The following ADAM32 variants were observed in gnomAD, a reference collection of about 807,000 sequenced individuals.
ADAM32 encodes the protein ADAM metallopeptidase domain 32.
In ADAM32, 89 loss-of-function variants were observed where a neutral mutation model predicts 114.9. That is an observed-to-expected ratio of 0.77 (90% CI 0.65 to 0.92). The LOEUF is 0.92. ADAM32 is among the 40% of genes least tolerant of loss of function. The pLI is 0.00. For missense variants in ADAM32, 870 were observed against 932.8 expected, an observed-to-expected ratio of 0.93 and a Z score of 0.88; for synonymous variants, 285 against 307.5, an observed-to-expected ratio of 0.93 and a Z score of 0.77.
At chr8:39,189,971 C>CGA (rs1806501777) in intron 11 of ADAM32, among the ~76,000 whole-genome samples, 2 of 152,146 alleles carry the variant, frequency 1.3e-5, no homozygotes, top group Admixed American at 1.3e-4. Context: ...CCAGCCACCA[C>CGA]GCCTGGCTAA....
At chr8:39,218,626 C>A (rs773588326) in intron 12 of ADAM32, among the ~76,000 whole-genome samples, 3 of 152,140 alleles carry the variant, frequency 2.0e-5, no homozygotes, top group Non-Finnish European at 4.4e-5. Flanking sequence ...AGGCTAAGGA[C>A]CCTCACCCTA....
At chr8:39,280,218 C>T (rs566312134) in intron 22 of ADAM32, among the ~76,000 whole-genome samples, 24 of 152,318 alleles carry the variant, frequency 1.6e-4, no homozygotes, top group African/African-American at 4.1e-4. Flanking sequence ...ATGAAAACCA[C>T]ATCTTTTAGG....
At chr8:39,191,760 T>C (rs921312311) in intron 11 of ADAM32, among the ~76,000 whole-genome samples, 4 of 152,166 alleles carry the variant, frequency 2.6e-5, no homozygotes, top group African/African-American at 7.2e-5. Context: ...TTTAATCAGA[T>C]CTCATTTGTC....
chr8:39,281,933 G>A (rs567000178), intron 23 of ADAM32, among the ~76,000 whole-genome samples: 2 of 152,176 alleles, frequency 1.3e-5, no homozygotes, highest in South Asian at 4.1e-4. Flanking sequence ...AACATTATAT[G>A]GTTTGTATTT....
chr8:39,244,287 C>CA (rs1240733418), intron 16 of ADAM32, among the ~76,000 whole-genome samples: 1 of 151,838 alleles, frequency 6.6e-6, no homozygotes, highest in African/African-American at 2.4e-5. Context: ...CATATGGAAC[C>CA]AAAAAAGAGC....
chr8:39,118,177 T>C lies in ADAM32; in HGVS notation c.138+12T>C. 1 of 1,361,458 alleles carries C rather than the reference T, an allele frequency of 7.3e-7. No individual in the cohort carries two copies. Among genetic ancestry groups the C allele is most frequent in the East Asian group, 2.8e-5 (1 of 35,700 alleles). 84.3% of individuals were successfully genotyped at this position (1,361,458 alleles called of 1,614,324 possible). A position where few individuals can be genotyped will look rare whatever the true frequency, so the allele number is the denominator to read the frequency against. ...CAGAAATAGAATATGTAAGAGATATTTTTTCACAATCTAAATGTTTATATG... is the reference window on the plus strand; with the variant it reads ...CAGAAATAGAATATGTAAGAGATATCTTTTCACAATCTAAATGTTTATATG... On this transcript the variant is annotated intron_variant, in intron 2 of 24. Coordinates refer to ENST00000379907, the MANE Select transcript of ADAM32 (RefSeq NM_145004.7).
intron 11 of ADAM32, among the ~76,000 whole-genome samples, chr8:39,187,499 C>A (rs896846050): frequency 4.6e-5 from 7 of 152,096 alleles, no homozygotes; most frequent in African/African-American, 1.2e-4. Context: ...TCTCGATCTC[C>A]TGACCTCATG....
chr8:39,246,392 G>T, intron 17 of ADAM32, among the ~76,000 whole-genome samples: 1 of 152,066 alleles, frequency 6.6e-6, no homozygotes, highest in Non-Finnish European at 1.5e-5. Context: ...TGTTATAATT[G>T]GGTACTTTTC....
rs377360149 is a variant in ADAM32 at position 39,223,068 on chromosome 8, C to T, written c.1355C>T (p.Pro452Leu). ...QILQSGVECR[P>L]KAHPECDIAE... ...TTACAATCAGGCGTTGAATGTAGGC[C>T]GAAAGCACATCCTGAATGTGACATC... The change falls in exon 14 of 25, where the codon CCG becomes CTG. Residue 452 changes from proline (P) to leucine (L), a missense_variant. Pro to Leu is a moderately conservative substitution (Grantham distance 98). Transcript: ENST00000379907. 3.2e-5 allele frequency: 51 copies of T among 1,587,658 alleles called. No homozygotes were observed. The highest frequency in any genetic ancestry group is 6.8e-5 in the African/African-American group (5 of 73,810).
intron 2 of ADAM32, among the ~76,000 whole-genome samples, chr8:39,120,992 A>G (rs1840565327): frequency 6.6e-6 from 1 of 152,152 alleles, no homozygotes; most frequent in South Asian, 2.1e-4. Flanking sequence ...ATCACTGCTT[A>G]TAGAAAATGC....
At chr8:39,209,081 C>T (rs987406241) in intron 11 of ADAM32, among the ~76,000 whole-genome samples, 2 of 151,558 alleles carry the variant, frequency 1.3e-5, no homozygotes, top group Non-Finnish European at 2.9e-5. Context: ...ACTTTTCTAC[C>T]CCCTTTCTCT....
chr8:39,212,205 G>A (rs1488831955), intron 12 of ADAM32, among the ~76,000 whole-genome samples: 1 of 151,742 alleles, frequency 6.6e-6, no homozygotes, highest in Non-Finnish European at 1.5e-5. Context: ...TAGTAGAGAC[G>A]GTTTCATCAC....
chr8:39,188,753 A>C (rs944353188), intron 11 of ADAM32, among the ~76,000 whole-genome samples: 31 of 152,130 alleles, frequency 2.0e-4, no homozygotes, highest in African/African-American at 7.2e-4. Context: ...TAAACCTTTA[A>C]GTTCATGTGG....
rs367903298 is a variant in ADAM32, at chr8:39,164,734, C to T, written c.595-30C>T. ...TAAAAATACTACATAATAATTTGTACTTAAATATAAAATTAATTCTGTTTT... is the reference window on the plus strand; with the variant it reads ...TAAAAATACTACATAATAATTTGTATTTAAATATAAAATTAATTCTGTTTT... On this transcript the variant is annotated intron_variant, in intron 7 of 24. Coordinates refer to ENST00000379907, the MANE Select transcript of ADAM32 (RefSeq NM_145004.7). The T allele has an allele frequency of 3.6e-5, 54 of 1,483,088 alleles. No homozygotes were observed. In the African/African-American group the frequency reaches 6.8e-4, roughly 19 times the overall value. 91.9% of individuals were successfully genotyped at this position (1,483,088 alleles called of 1,614,324 possible).
At chr8:39,212,694 A>C (rs1808309631) in intron 12 of ADAM32, among the ~76,000 whole-genome samples, 1 of 152,176 alleles carries the variant, frequency 6.6e-6, no homozygotes, top group African/African-American at 2.4e-5. Context: ...GATATATCAC[A>C]ATCTGTTTTA....
At chr8:39,231,663 G>T (rs890144701) in intron 14 of ADAM32, among the ~76,000 whole-genome samples, 2 of 152,142 alleles carry the variant, frequency 1.3e-5, no homozygotes, top group African/African-American at 4.8e-5. Context: ...AAATTTTCTT[G>T]ATTTTGTTAT....
chr8:39,174,656 C>A (rs1034519323), intron 10 of ADAM32, among the ~76,000 whole-genome samples: 1 of 113,146 alleles, frequency 8.8e-6, no homozygotes, highest in South Asian at 3.6e-4. Context: ...CTATCCCTCC[C>A]CCCTCCCCCG....
chr8:39,179,205 G>C (rs1585469321), intron 10 of ADAM32, among the ~76,000 whole-genome samples: 1 of 152,192 alleles, frequency 6.6e-6, no homozygotes, highest in African/African-American at 2.4e-5. Flanking sequence ...CAGAGTTCTG[G>C]TCTGGACTAC....
intron 2 of ADAM32, among the ~76,000 whole-genome samples, chr8:39,128,982 A>G (rs1387828915): frequency 6.6e-6 from 1 of 152,038 alleles, no homozygotes; most frequent in African/African-American, 2.4e-5. Context: ...TTTTCATGCT[A>G]TTGTGAACTG....
Sources: gnomAD v4.1 joint callset for allele counts (sites outside exome capture counted in the v4.1 genomes callset) on GRCh38, gnomAD v4.1.1 for gene constraint, MANE v1.5 for transcripts, NCBI Gene and HGNC (gene_info 2026-07-23, HGNC 2026-07-21) for gene names.